Variants in PKHD1 observed in about 807,000 individuals in gnomAD.
PKHD1 encodes PKHD1 ciliary IPT domain containing fibrocystin/polyductin.
In PKHD1, 291 loss-of-function variants were observed where a neutral mutation model predicts 412.0. The observed-to-expected ratio is 0.71, with a 90% confidence interval of 0.64 to 0.78. The LOEUF (loss-of-function observed/expected upper bound fraction) is 0.78. Ranked by LOEUF, PKHD1 falls within the 30% of genes least tolerant of loss-of-function variation. The probability of loss-of-function intolerance (pLI) is 0.00; values close to 1 mark genes in which losing one functional copy is unlikely to be tolerated. For missense variants in PKHD1, 4,825 were observed against 4,950.7 expected (o/e 0.97, Z 0.76); for synonymous variants, 1,777 against 1,821.5 (o/e 0.98, Z 0.62).
intron 36 of PKHD1, among the ~76,000 whole-genome samples, chr6:51,943,100 C>T (rs915776845): frequency 1.3e-5 from 2 of 151,570 alleles, no homozygotes; most frequent in African/African-American, 4.8e-5. Flanking sequence ...GGCTTCCCAC[C>T]TCTATACAGT....
intron 60 of PKHD1, among the ~76,000 whole-genome samples, chr6:51,729,862 A>T (rs985851800): frequency 7.9e-5 from 12 of 152,152 alleles, no homozygotes; most frequent in Non-Finnish European, 1.6e-4. Flanking sequence ...CATAATATTA[A>T]TATCTCCAAG....
At chr6:52,073,723 T>C (rs777397691) in intron 6 of PKHD1, among the ~76,000 whole-genome samples, 182 bp from the exon 7 acceptor site, 1 of 152,168 alleles carries the variant, frequency 6.6e-6, no homozygotes, top group Non-Finnish European at 1.5e-5. Context: ...GTGATCAATA[T>C]TACACAATAT....
intron 52 of PKHD1, among the ~76,000 whole-genome samples, chr6:51,829,602 C>A (rs1767905833): frequency 6.6e-6 from 1 of 152,088 alleles, no homozygotes. Flanking sequence ...AGGTGGTTTA[C>A]TGGGAAGTGG....
At chr6:51,661,367 T>G (rs1044552434) in intron 60 of PKHD1, among the ~76,000 whole-genome samples, 2 of 151,964 alleles carry the variant, frequency 1.3e-5, no homozygotes, top group African/African-American at 4.8e-5. Flanking sequence ...GAAGGGGTAG[T>G]AACATCCAAG....
At position 51,692,477 on chromosome 6, in the gene PKHD1, C is replaced by A. The variant is rs377577255; in HGVS notation, c.10157-32508G>T. Among the ~76,000 whole-genome samples the A allele has an allele frequency of 1.6e-4, 25 of 152,284 alleles. 3 individuals are homozygous for A. In the East Asian group the frequency reaches 3.1e-3, roughly 19 times the overall value. On this transcript the variant is annotated intron_variant, in intron 60 of 66. Coordinates refer to ENST00000371117, the MANE Select transcript of PKHD1 (RefSeq NM_138694.4). ...CTGATTTCTCAAACAAATCTGAGGACACTTTTACCAAAACCTTTTAAAAAT... is the reference window on the plus strand; with the variant it reads ...CTGATTTCTCAAACAAATCTGAGGAAACTTTTACCAAAACCTTTTAAAAAT...
intron 16 of PKHD1, among the ~76,000 whole-genome samples, 162 bp from the exon 17 acceptor site, chr6:52,057,141 C>T (rs1807887513): frequency 6.6e-6 from 1 of 152,232 alleles, no homozygotes; most frequent in South Asian, 2.1e-4. Flanking sequence ...AACACAGCAT[C>T]ATTGCCTAAT....
intron 49 of PKHD1, among the ~76,000 whole-genome samples, chr6:51,851,466 G>A (rs1772229897): frequency 6.6e-6 from 1 of 152,172 alleles, no homozygotes; most frequent in Non-Finnish European, 1.5e-5. Context: ...AGTTTCAGAA[G>A]GAATGGTACC....
At chr6:51,863,785 G>A (rs900876804) in intron 48 of PKHD1, among the ~76,000 whole-genome samples, 2 of 152,170 alleles carry the variant, frequency 1.3e-5, no homozygotes, top group African/African-American at 4.8e-5. Flanking sequence ...GACTCCTCAT[G>A]AACATGTCCT....
chr6:51,620,435 C>T (rs1379145688), intron 66 of PKHD1, among the ~76,000 whole-genome samples: 4 of 152,012 alleles, frequency 2.6e-5, no homozygotes, highest in Non-Finnish European at 5.9e-5. Context: ...GCAAAGGTCA[C>T]TATTCATATG....
At chr6:52,055,043 A>G (rs950121066) in intron 19 of PKHD1, among the ~76,000 whole-genome samples, 2 of 152,222 alleles carry the variant, frequency 1.3e-5, no homozygotes, top group African/African-American at 4.8e-5. Context: ...GGATTTAAGA[A>G]GTGTTTGCGA....
At chr6:51,989,877 G>C (rs1231867950) in intron 35 of PKHD1, among the ~76,000 whole-genome samples, 1 of 49,320 alleles carries the variant, frequency 2.0e-5, no homozygotes, top group Non-Finnish European at 4.4e-5. Context: ...GGAAACAAGG[G>C]AGAAAAGGAA....
intron 60 of PKHD1, chr6:51,682,314 A>G (rs1201153535): frequency 1.4e-5 from 6 of 439,310 alleles, no homozygotes; most frequent in African/African-American, 1.0e-4. Context: ...ATTTATCATA[A>G]TATTCACTTT....
At chr6:52,006,035 A>C (rs1467443934) in intron 35 of PKHD1, among the ~76,000 whole-genome samples, 3 of 150,682 alleles carry the variant, frequency 2.0e-5, no homozygotes, top group Non-Finnish European at 2.9e-5. Context: ...AGCAATGGAA[A>C]GAAACGTTTA....
chr6:51,959,925 G>C lies in PKHD1; in HGVS notation c.5853C>G (p.Gly1951=). 1 of 1,613,376 alleles carries C rather than the reference G, an allele frequency of 6.2e-7. No homozygotes were observed. Among genetic ancestry groups the C allele is most frequent in the Non-Finnish European group, 8.5e-7 (1 of 1,179,500 alleles). The change falls in exon 36 of 67, where the codon GGC becomes GGG. Residue 1951 remains glycine (G), a synonymous_variant. Transcript: ENST00000371117. ...TGTTAGTGTCCAGCAGAAGCAATTG[G>C]CCATTCTCCACTGTGACGTTGTCGC... The part of the protein sequence containing the change: ...QDGDNVTVEN[G]QLLLLDTNTS...
rs1284594173 is a variant in PKHD1, at chr6:51,878,950, A to G, written c.7350+4143T>C. 6.6e-4 allele frequency among the ~76,000 whole-genome samples: 54 copies of G among 82,244 alleles called. 11 individuals are homozygous for G. Among genetic ancestry groups the G allele is most frequent in the Non-Finnish European group, 8.6e-4 (41 of 47,486 alleles). 54.0% of individuals were successfully genotyped at this position (82,244 alleles called of 152,430 possible). On this transcript the variant is annotated intron_variant, in intron 46 of 66. Transcript: ENST00000371117. ...ACAAAATCAATGTACAAAAATCACA[A>G]GCATTCTTATACACCAAAAACAGAC...
chr6:52,040,740 C>G (rs1453731444), intron 27 of PKHD1, among the ~76,000 whole-genome samples: 2 of 152,122 alleles, frequency 1.3e-5, no homozygotes, highest in Non-Finnish European at 2.9e-5. Context: ...CTTCACTTCA[C>G]CCATATCTCC....
At chr6:51,901,654 A>G (rs1007695293) in intron 43 of PKHD1, among the ~76,000 whole-genome samples, 37 of 150,608 alleles carry the variant, frequency 2.5e-4, no homozygotes, top group Admixed American at 1.2e-3. Context: ...CATGTACCCT[A>G]AAACTTAAAG....
At chr6:51,959,782 A>G (rs1010416142) in intron 36 of PKHD1, 88 bp downstream of exon 36, 117 of 1,201,700 alleles carry the variant, frequency 9.7e-5, no homozygotes, top group Non-Finnish European at 1.4e-4. Flanking sequence ...AAGTTCTGGA[A>G]CTTATCCAGA....
intron 20 of PKHD1, among the ~76,000 whole-genome samples, 152 bp downstream of exon 20, chr6:52,053,885 CT>C (rs1484097379): frequency 1.3e-5 from 2 of 152,178 alleles, no homozygotes; most frequent in African/African-American, 4.8e-5. Context: ...TGGAGTCAAA[CT>C]TTTTTGTCAA....
Sources: allele counts gnomAD v4.1 joint callset (sites outside exome capture counted in the v4.1 genomes callset), GRCh38; gene constraint gnomAD v4.1.1; transcripts MANE v1.5; gene names NCBI Gene and HGNC (gene_info 2026-07-23, HGNC 2026-07-21).